KCNN2: variants seen among roughly 807,000 people sequenced by gnomAD.
The protein encoded by KCNN2 is small conductance calcium-activated potassium channel protein 2.
Under a neutral mutation model 55.5 loss-of-function variants are expected in KCNN2, and 24 were observed. That is an observed-to-expected ratio of 0.43 (90% CI 0.31 to 0.61). The LOEUF (loss-of-function observed/expected upper bound fraction) is 0.61, where lower values mean the gene tolerates loss of function less well. Ranked by LOEUF, KCNN2 falls within the 20% of genes least tolerant of loss-of-function variation. The pLI is 0.08. For missense variants in KCNN2, 754 were observed against 853.6 expected (o/e 0.88, Z 1.45); for synonymous variants, 431 against 336.1 (o/e 1.28, Z -3.09).
intron 1 of KCNN2, among the ~76,000 whole-genome samples, chr5:114,127,789 T>A (rs1561486823): frequency 6.6e-6 from 1 of 152,246 alleles, no homozygotes; most frequent in African/African-American, 2.4e-5. Context: ...AATGCTTTGC[T>A]ACTTAGAAAT....
At chr5:114,486,664 A>T in intron 5 of KCNN2, 1 of 1,077,176 alleles carries the variant, frequency 9.3e-7, no homozygotes, top group Non-Finnish European at 1.2e-6. Context: ...GGACAAGATT[A>T]ACCTTGGCCT....
Position 114,363,051 on chromosome 5 carries a change from A to AGGC in KCNN2, c.921_923dup (p.Gly310dup). 1 of 1,607,278 alleles carries AGGC rather than the reference A, an allele frequency of 6.2e-7. No homozygotes were observed. Among genetic ancestry groups the AGGC allele is most frequent in the Non-Finnish European group, 8.5e-7 (1 of 1,178,552 alleles). On this transcript the variant is annotated inframe_insertion, in exon 1 of 8. Coordinates refer to ENST00000673685, the MANE Select transcript of KCNN2 (RefSeq NM_021614.4). The stretch of plus-strand genomic sequence containing the variant: ...CCGGCGGCGGAGGCAGCACTGGAGG[A>AGGC]GGCGGCGGCGGTGGCGGGAGCGGGC...
chr5:114,364,639 T>G (rs1757548619), intron 2 of KCNN2, among the ~76,000 whole-genome samples: 3 of 152,020 alleles, frequency 2.0e-5, no homozygotes, highest in South Asian at 4.1e-4. Flanking sequence ...TTGAAAATAT[T>G]TCTTTTGTTT....
chr5:114,095,974 G>A lies in KCNN2; in HGVS notation c.-271+39474G>A, dbSNP rs142528969. 8.5e-4 allele frequency among the ~76,000 whole-genome samples: 129 copies of A among 152,234 alleles called. 1 individual carries two copies. Among genetic ancestry groups the A allele is most frequent in the Non-Finnish European group, 1.5e-3 (99 of 68,026 alleles). On this transcript the variant is annotated intron_variant, in intron 1 of 10. Coordinates refer to the KCNN2 transcript ENST00000512097. ...TTACATTTATTTAAAAACAGGCTAT[G>A]TCATCTATCTGGCCTATAGAAAATG...
chr5:114,186,718 TAAG>T (rs1044300465), intron 1 of KCNN2, among the ~76,000 whole-genome samples: 53 of 152,314 alleles, frequency 3.5e-4, no homozygotes, highest in Non-Finnish European at 6.8e-4. Flanking sequence ...AAAATGGACT[TAAG>T]AAGAAATAAA....
At chr5:114,209,911 A>C (rs533165657) in intron 1 of KCNN2, among the ~76,000 whole-genome samples, 22 of 147,382 alleles carry the variant, frequency 1.5e-4, no homozygotes, top group Non-Finnish European at 3.1e-4. Context: ...CTACTCACTA[A>C]AATTTTTATT....
intron 3 of KCNN2, among the ~76,000 whole-genome samples, chr5:114,414,112 A>G (rs544621209): frequency 1.4e-4 from 22 of 152,114 alleles, no homozygotes; most frequent in African/African-American, 5.3e-4. Flanking sequence ...TCTGCATTGT[A>G]TTTTTTTTAA....
chr5:114,423,912 G>A (rs1759542256), intron 3 of KCNN2, among the ~76,000 whole-genome samples: 1 of 152,220 alleles, frequency 6.6e-6, no homozygotes, highest in South Asian at 2.1e-4. Context: ...TACAGGCATG[G>A]AGAAAGGGAA....
chr5:114,236,070 G>A (rs993253250), intron 2 of KCNN2, among the ~76,000 whole-genome samples: 2 of 152,068 alleles, frequency 1.3e-5, no homozygotes, highest in Non-Finnish European at 2.9e-5. Flanking sequence ...TATATGTATT[G>A]TATATGTATA....
intron 1 of KCNN2, 117 bp from the exon 2 acceptor site, chr5:114,363,789 C>G: frequency 2.8e-6 from 2 of 714,938 alleles, no homozygotes; most frequent in East Asian, 2.5e-5. Context: ...CCCCTCTCCC[C>G]TTATCTTCCT....
chr5:114,275,303 G>T (rs1202534492), intron 2 of KCNN2, among the ~76,000 whole-genome samples: 2 of 152,090 alleles, frequency 1.3e-5, no homozygotes, highest in Non-Finnish European at 2.9e-5. Flanking sequence ...CTCTTTTTTT[G>T]TTGTGTCTCT....
At chr5:114,490,849 A>C (rs1229217247) in intron 6 of KCNN2, 1 of 396,730 alleles carries the variant, frequency 2.5e-6, no homozygotes, top group Non-Finnish European at 4.4e-6. Flanking sequence ...TGATAAGTGA[A>C]GTTCACAAGG....
chr5:114,481,688 C>G (rs1762236594), intron 5 of KCNN2, among the ~76,000 whole-genome samples: 1 of 152,050 alleles, frequency 6.6e-6, no homozygotes, highest in Admixed American at 6.6e-5. Flanking sequence ...TAAACTGGTA[C>G]AAAAACAGAC....
intron 2 of KCNN2, among the ~76,000 whole-genome samples, chr5:114,296,909 A>G (rs2150020605): frequency 6.6e-6 from 1 of 152,312 alleles, no homozygotes; most frequent in South Asian, 2.1e-4. Context: ...CAAAGCAAAC[A>G]TTTAGTCATA....
chr5:114,228,159 A>G (rs1174314156), intron 2 of KCNN2, among the ~76,000 whole-genome samples: 2 of 152,102 alleles, frequency 1.3e-5, no homozygotes, highest in African/African-American at 4.8e-5. Flanking sequence ...GAACAATAAA[A>G]TTTCAGTCTT....
intron 2 of KCNN2, among the ~76,000 whole-genome samples, chr5:114,402,884 A>G (rs1004500966): frequency 8.5e-5 from 13 of 152,230 alleles, no homozygotes; most frequent in African/African-American, 2.7e-4. Context: ...CAGTAGGATT[A>G]TGGTTGAAGG....
At chr5:114,121,458 G>C (rs778380046) in intron 1 of KCNN2, among the ~76,000 whole-genome samples, 4 of 152,126 alleles carry the variant, frequency 2.6e-5, no homozygotes, top group Non-Finnish European at 5.9e-5. Flanking sequence ...CCTTAGACCT[G>C]AGCCATGTAT....
chr5:114,299,551 G>C (rs538753451), intron 2 of KCNN2, among the ~76,000 whole-genome samples: 50 of 152,176 alleles, frequency 3.3e-4, no homozygotes, highest in Non-Finnish European at 6.6e-4. Context: ...CTTTCTGGGG[G>C]GATAGGTACT....
At chr5:114,144,919 T>C (rs936495879) in intron 1 of KCNN2, among the ~76,000 whole-genome samples, 3 of 151,962 alleles carry the variant, frequency 2.0e-5, no homozygotes, top group Admixed American at 6.6e-5. Flanking sequence ...CTTTTGACGA[T>C]TGCCATAGTG....
Sources: gnomAD v4.1 joint callset for allele counts (sites outside exome capture counted in the v4.1 genomes callset) on GRCh38, gnomAD v4.1.1 for gene constraint, MANE v1.5 for transcripts, NCBI Gene and HGNC (gene_info 2026-07-23, HGNC 2026-07-21) for gene names.